CLMP: variants seen among roughly 807,000 people sequenced by gnomAD.
CLMP encodes the protein CXADR like cell adhesion molecule, also known as CXADR-like membrane protein.
Under a neutral mutation model 45.2 loss-of-function variants are expected in CLMP, and 27 were observed. The ratio of observed to expected loss-of-function variants is 0.60; its 90% CI spans 0.44 to 0.82. CLMP has a LOEUF of 0.82. Ranked by LOEUF, CLMP falls within the 40% of genes least tolerant of loss-of-function variation. The pLI is 0.00. For synonymous variants in CLMP, 167 were observed against 171.4 expected (o/e 0.97, Z 0.20); for missense variants, 403 against 448.4 (o/e 0.90, Z 0.91).
chr11:123,176,623 G>C (rs1307712514), intron 1 of CLMP, among the ~76,000 whole-genome samples: 1 of 152,148 alleles, frequency 6.6e-6, no homozygotes, highest in Non-Finnish European at 1.5e-5. Context: ...CTTAGCACCA[G>C]CTGGGGCTGT....
chr11:123,185,150 G>A (rs1489606874), intron 1 of CLMP, among the ~76,000 whole-genome samples: 1 of 152,126 alleles, frequency 6.6e-6, no homozygotes, highest in South Asian at 2.1e-4. Context: ...AGAACAGGGT[G>A]GGGGACCAGG....
chr11:123,152,448 G>A (rs376502012), intron 1 of CLMP, among the ~76,000 whole-genome samples: 131 of 151,932 alleles, frequency 8.6e-4, no homozygotes, highest in African/African-American at 2.1e-3. Context: ...ACTTGAACCC[G>A]GGAGGTAGAG....
chr11:123,134,076 A>T (rs1861031929), intron 1 of CLMP, among the ~76,000 whole-genome samples: 1 of 152,110 alleles, frequency 6.6e-6, no homozygotes, highest in Non-Finnish European at 1.5e-5. Context: ...TCTGGCCAAC[A>T]CGGTGAAACC....
chr11:123,142,910 G>C (rs1050053093), intron 1 of CLMP, among the ~76,000 whole-genome samples: 2 of 152,136 alleles, frequency 1.3e-5, no homozygotes, highest in Non-Finnish European at 2.9e-5. Context: ...ACAGGCGTGA[G>C]CCACCGCGCC....
rs572571892 is a variant in CLMP, at chr11:123,116,514, G to A, written c.29-18562C>T. 2.6e-4 allele frequency among the ~76,000 whole-genome samples: 39 copies of A among 151,072 alleles called. 1 individual carries two copies. The highest frequency in any genetic ancestry group is 7.3e-4 in the Admixed American group (11 of 15,148). ...ACCCAGGAGGTGGAGGTCACATTGA[G>A]CCGAGATCACACCACTGCATGCCAG... On this transcript the variant is annotated intron_variant, in intron 1 of 6. Coordinates refer to ENST00000448775, the MANE Select transcript of CLMP (RefSeq NM_024769.5).
chr11:123,165,204 C>T (rs1411209723), intron 1 of CLMP, among the ~76,000 whole-genome samples: 1 of 152,148 alleles, frequency 6.6e-6, no homozygotes, highest in Non-Finnish European at 1.5e-5. Flanking sequence ...ACAAGGCATC[C>T]CCCAGGAGGG....
chr11:123,129,717 A>T (rs183968716), intron 1 of CLMP, among the ~76,000 whole-genome samples: 1 of 143,190 alleles, frequency 7.0e-6, no homozygotes, highest in Non-Finnish European at 1.5e-5. Flanking sequence ...ATTATATAAT[A>T]TATAGATATA....
chr11:123,102,248 C>T (rs1304102793), intron 1 of CLMP, among the ~76,000 whole-genome samples: 2 of 149,682 alleles, frequency 1.3e-5, no homozygotes, highest in East Asian at 1.9e-4. Context: ...ATTGTAGAAC[C>T]TAAGATTGGC....
chr11:123,187,706 C>T (rs1861852790), intron 1 of CLMP, among the ~76,000 whole-genome samples: 1 of 152,036 alleles, frequency 6.6e-6, no homozygotes, highest in Admixed American at 6.6e-5. Flanking sequence ...GAAAACATCC[C>T]ATGAGAGATG....
At chr11:123,170,708 T>C (rs558483019) in intron 1 of CLMP, among the ~76,000 whole-genome samples, 16 of 152,330 alleles carry the variant, frequency 1.1e-4, no homozygotes, top group Non-Finnish European at 1.9e-4. Flanking sequence ...CCCAATGTGC[T>C]GGGATTACAG....
intron 1 of CLMP, among the ~76,000 whole-genome samples, chr11:123,135,212 A>G (rs1861053838): frequency 6.8e-6 from 1 of 148,058 alleles, no homozygotes; most frequent in Non-Finnish European, 1.5e-5. Flanking sequence ...GTGAGCCAAG[A>G]CCATGCCATT....
At chr11:123,103,292 GC>G (rs549944161) in intron 1 of CLMP, among the ~76,000 whole-genome samples, 106 of 152,272 alleles carry the variant, frequency 7.0e-4, no homozygotes, top group African/African-American at 2.4e-3. Context: ...TGAAACCAGT[GC>G]CCTACATTCC....
At chr11:123,138,803 A>G (rs955027266) in intron 1 of CLMP, among the ~76,000 whole-genome samples, 5 of 152,142 alleles carry the variant, frequency 3.3e-5, no homozygotes, top group Admixed American at 3.3e-4. Flanking sequence ...ACAGGTGTGC[A>G]CCACCACACC....
intron 1 of CLMP, among the ~76,000 whole-genome samples, chr11:123,120,874 C>T (rs1860806121): frequency 6.6e-6 from 1 of 151,964 alleles, no homozygotes; most frequent in Non-Finnish European, 1.5e-5. Context: ...CGCTTGTAAT[C>T]CCAGCACTTT....
chr11:123,191,157 C>T (rs752122056), intron 1 of CLMP, among the ~76,000 whole-genome samples: 23 of 152,242 alleles, frequency 1.5e-4, no homozygotes, highest in African/African-American at 4.3e-4. Flanking sequence ...ATTTTAAGAA[C>T]GATTGATTTA....
At chr11:123,096,160 C>T (rs75228513) in intron 2 of CLMP, among the ~76,000 whole-genome samples, 47,406 of 151,658 alleles carry the variant, frequency 0.31, 9,212 homozygotes, top group African/African-American at 0.56. Flanking sequence ...GTCAGGAGTT[C>T]GAGACCAGCA....
chr11:123,083,572 C>A, intron 4 of CLMP, 108 bp downstream of exon 4: 2 of 1,123,622 alleles, frequency 1.8e-6, no homozygotes, highest in Non-Finnish European at 2.7e-6. Flanking sequence ...TCAGGAGGTT[C>A]AGCAGGGTAT....
At chr11:123,172,749 G>A (rs1161350388) in intron 1 of CLMP, among the ~76,000 whole-genome samples, 1 of 152,202 alleles carries the variant, frequency 6.6e-6, no homozygotes, top group East Asian at 1.9e-4. Flanking sequence ...GCCTCCCAAA[G>A]TGCTAGGATT....
intron 1 of CLMP, among the ~76,000 whole-genome samples, chr11:123,125,697 G>T (rs932329409): frequency 3.3e-5 from 5 of 150,628 alleles, no homozygotes; most frequent in African/African-American, 9.8e-5. Flanking sequence ...TCTGCCTCCC[G>T]GGTTCAAGTG....
Sources: gnomAD v4.1 joint callset for allele counts (sites outside exome capture counted in the v4.1 genomes callset) on GRCh38, gnomAD v4.1.1 for gene constraint, MANE v1.5 for transcripts, NCBI Gene and HGNC (gene_info 2026-07-23, HGNC 2026-07-21) for gene names.